The following LHFPL3 variants were observed in gnomAD, a reference collection of about 807,000 sequenced individuals.
The protein encoded by LHFPL3 is LHFPL tetraspan subfamily member 3 protein.
Under a neutral mutation model 19.3 loss-of-function variants are expected in LHFPL3, and 5 were observed. That is an observed-to-expected ratio of 0.26 (90% confidence interval 0.14 to 0.54). The LOEUF is 0.54. LHFPL3 is among the 20% of genes least tolerant of loss of function. The pLI, the probability that LHFPL3 is intolerant of heterozygous loss-of-function variation, is 0.94. For missense variants in LHFPL3, 249 were observed against 307.4 expected, an observed-to-expected ratio of 0.81 and a Z score of 1.42; for synonymous variants, 133 against 126.2, an observed-to-expected ratio of 1.05 and a Z score of -0.36.
intron 1 of LHFPL3, among the ~76,000 whole-genome samples, chr7:104,626,430 C>T (rs1282902055): frequency 6.6e-6 from 1 of 152,210 alleles, no homozygotes; most frequent in African/African-American, 2.4e-5. Flanking sequence ...AGCATAATTA[C>T]CTCCACTCCA....
Position 104,595,580 on chromosome 7 carries a change from C to G in LHFPL3, c.446-141095C>G, listed in dbSNP as rs975791353. On this transcript the variant is annotated intron_variant, in intron 1 of 2. Transcript: ENST00000424859. ...AGCTCAAACACAGTGCTGGGAGAAC[C>G]ACTGCTCTCTTCAGAGCTGTCAGAC... Among the ~76,000 whole-genome samples, 5 of 152,208 alleles carry G rather than the reference C, an allele frequency of 3.3e-5. No individual in the cohort carries two copies. The East Asian group carries it at 5.8e-4, about 18-fold the overall frequency.
At chr7:104,436,083 G>A (rs1320176884) in intron 1 of LHFPL3, among the ~76,000 whole-genome samples, 1 of 151,970 alleles carries the variant, frequency 6.6e-6, no homozygotes, top group East Asian at 1.9e-4. Context: ...GATCCATATG[G>A]GAGCCCCTAG....
chr7:104,546,946 G>A lies in LHFPL3; in HGVS notation c.446-189729G>A, dbSNP rs1453650096. On this transcript the variant is annotated intron_variant, in intron 1 of 2. Transcript: ENST00000424859. ...AATGTTAACAAGCTCTTAAGAAATA[G>A]TAGCTCAAGGCCGGGCGCGGTGGCT... Among the ~76,000 whole-genome samples, 2 of 103,748 alleles carry A rather than the reference G, an allele frequency of 1.9e-5. 1 individual carries two copies. Among genetic ancestry groups the A allele is most frequent in the Non-Finnish European group, 4.4e-5 (2 of 45,232 alleles). The allele number at this position is 103,748 out of a possible 152,430, so 68.1% of individuals were successfully genotyped here.
intron 1 of LHFPL3, among the ~76,000 whole-genome samples, chr7:104,600,871 G>A (rs1790950846): frequency 6.6e-6 from 1 of 152,260 alleles, no homozygotes; most frequent in Admixed American, 6.5e-5. Context: ...TCAGCTAAGG[G>A]GTATTGACTG....
chr7:104,774,525 T>C (rs1794610549), intron 2 of LHFPL3, among the ~76,000 whole-genome samples: 1 of 152,200 alleles, frequency 6.6e-6, no homozygotes, highest in African/African-American at 2.4e-5. Flanking sequence ...TACACCTTCA[T>C]TCCAGTAATA....
At chr7:104,894,050 A>G (rs374076108) in intron 2 of LHFPL3, among the ~76,000 whole-genome samples, 2 of 152,286 alleles carry the variant, frequency 1.3e-5, no homozygotes, top group African/African-American at 4.8e-5. Context: ...AAAGAAGTAG[A>G]GTAATAGGCA....
At chr7:104,458,736 A>C (rs1482296872) in intron 1 of LHFPL3, among the ~76,000 whole-genome samples, 2 of 152,104 alleles carry the variant, frequency 1.3e-5, no homozygotes, top group African/African-American at 4.8e-5. Flanking sequence ...AAAAAAAAAA[A>C]AAACCTTTAT....
At chr7:104,674,904 G>T (rs1306089339) in intron 1 of LHFPL3, among the ~76,000 whole-genome samples, 1 of 152,154 alleles carries the variant, frequency 6.6e-6, no homozygotes, top group Non-Finnish European at 1.5e-5. Flanking sequence ...AGATATAGAA[G>T]ATCTGAGAAA....
intron 1 of LHFPL3, among the ~76,000 whole-genome samples, chr7:104,733,705 G>C (rs1016431161): frequency 6.6e-6 from 1 of 152,110 alleles, no homozygotes; most frequent in African/African-American, 2.4e-5. Context: ...TTAATTGGAG[G>C]ATTTAGCCCA....
chr7:104,669,011 C>A, intron 1 of LHFPL3: 1 of 1,612,096 alleles, frequency 6.2e-7, no homozygotes. Context: ...GGAAGTGAGT[C>A]ATCACAGACT....
intron 2 of LHFPL3, among the ~76,000 whole-genome samples, chr7:104,802,345 T>A (rs964791472): frequency 2.0e-5 from 3 of 151,734 alleles, no homozygotes; most frequent in South Asian, 2.1e-4. Context: ...AAGTACAAAA[T>A]CAGCTGAGCA....
intron 2 of LHFPL3, among the ~76,000 whole-genome samples, chr7:104,870,176 G>A (rs550760557): frequency 9.2e-5 from 14 of 152,150 alleles, no homozygotes; most frequent in African/African-American, 3.4e-4. Flanking sequence ...CACCAACATG[G>A]CACATGTATA....
intron 1 of LHFPL3, among the ~76,000 whole-genome samples, chr7:104,489,678 G>T (rs1054417977): frequency 6.6e-6 from 1 of 151,874 alleles, no homozygotes; most frequent in Non-Finnish European, 1.5e-5. Flanking sequence ...TGAACCAAAG[G>T]TTACTCCACT....
intron 1 of LHFPL3, among the ~76,000 whole-genome samples, chr7:104,364,424 T>C (rs568257204): frequency 6.6e-6 from 1 of 152,316 alleles, no homozygotes; most frequent in East Asian, 1.9e-4. Context: ...AGAGGGACTA[T>C]GAAAAGAAAA....
intron 1 of LHFPL3, among the ~76,000 whole-genome samples, chr7:104,655,884 A>G (rs1258933250): frequency 6.6e-6 from 1 of 152,184 alleles, no homozygotes; most frequent in Non-Finnish European, 1.5e-5. Flanking sequence ...ACTAGTTATT[A>G]TGTTTTTGTT....
chr7:104,475,898 AT>A (rs547799397), intron 1 of LHFPL3, among the ~76,000 whole-genome samples: 3 of 152,162 alleles, frequency 2.0e-5, no homozygotes, highest in Non-Finnish European at 4.4e-5. Flanking sequence ...TCAAACGATG[AT>A]TTTTTTACTA....
chr7:104,813,230 A>G (rs1441097154), intron 2 of LHFPL3, among the ~76,000 whole-genome samples: 1 of 152,120 alleles, frequency 6.6e-6, no homozygotes, highest in East Asian at 1.9e-4. Context: ...GTGAGACATG[A>G]TGGCACCACT....
chr7:104,609,159 G>T (rs985305436), intron 1 of LHFPL3, among the ~76,000 whole-genome samples: 2 of 152,066 alleles, frequency 1.3e-5, no homozygotes, highest in African/African-American at 4.8e-5. Context: ...CAGCTACTCA[G>T]GAGGCTGAGG....
At chr7:104,364,982 T>G (rs79666331) in intron 1 of LHFPL3, among the ~76,000 whole-genome samples, 98 of 152,244 alleles carry the variant, frequency 6.4e-4, no homozygotes, top group Non-Finnish European at 1.1e-3. Flanking sequence ...GAAAGAGGAT[T>G]TCTACCATTT....
Sources: allele counts gnomAD v4.1 joint callset (sites outside exome capture counted in the v4.1 genomes callset), GRCh38; gene constraint gnomAD v4.1.1; transcripts MANE v1.5; gene names NCBI Gene and HGNC (gene_info 2026-07-23, HGNC 2026-07-21).